The following MGRN1 variants were observed in gnomAD, a reference collection of about 807,000 sequenced individuals.
The protein encoded by MGRN1 is mahogunin ring finger 1, also known as E3 ubiquitin-protein ligase MGRN1.
Under a neutral mutation model 69.2 loss-of-function variants are expected in MGRN1, and 29 were observed. That is an observed-to-expected ratio of 0.42 (90% CI 0.31 to 0.57). MGRN1 has a LOEUF of 0.57. MGRN1 is among the 20% of genes least tolerant of loss of function. The pLI, the probability that MGRN1 is intolerant of heterozygous loss-of-function variation, is 0.15. For synonymous variants in MGRN1, 470 were observed against 344.2 expected (o/e 1.37, Z -4.04); for missense variants, 998 against 796.2 (o/e 1.25, Z -3.05).
intron 10 of MGRN1, among the ~76,000 whole-genome samples, chr16:4,675,706 C>T (rs1373967177): frequency 1.3e-5 from 2 of 151,226 alleles, no homozygotes; most frequent in South Asian, 4.2e-4. Context: ...TGCACCCCCG[C>T]CTGAGAGACA....
intron 10 of MGRN1, among the ~76,000 whole-genome samples, chr16:4,675,880 A>G (rs1056890991): frequency 5.3e-5 from 8 of 152,222 alleles, no homozygotes; most frequent in Middle Eastern, 3.4e-3. Context: ...AGTGTCTTCC[A>G]GTAGAGGGAA....
intron 11 of MGRN1, among the ~76,000 whole-genome samples, chr16:4,679,768 G>A (rs556484245): frequency 1.3e-5 from 2 of 152,310 alleles, no homozygotes; most frequent in East Asian, 1.9e-4. Flanking sequence ...CAGACTGCGG[G>A]GGGACAGGCA....
chr16:4,668,658 T>A lies in MGRN1; in HGVS notation c.726+346T>A, dbSNP rs979295955. Among the ~76,000 whole-genome samples, 18 of 151,140 alleles carry A rather than the reference T, an allele frequency of 1.2e-4. 1 individual carries two copies. The highest frequency in any genetic ancestry group is 3.2e-4 in the African/African-American group (13 of 41,024). Reference sequence around the variant, plus strand: ...CACACACTCAGACACACTCATATACTCAGTCACACACATATACATAGACAC... The same window carrying A: ...CACACACTCAGACACACTCATATACACAGTCACACACATATACATAGACAC... On this transcript the variant is annotated intron_variant, in intron 8 of 16. Coordinates refer to ENST00000262370, the MANE Select transcript of MGRN1 (RefSeq NM_015246.4).
rs1204551270 is a variant in MGRN1 at position 4,690,202 on chromosome 16, G to GTTTT, written c.*1299_*1302dup. 1 of 152,230 alleles carries GTTTT rather than the reference G, an allele frequency of 6.6e-6. No individual in the cohort carries two copies. Among genetic ancestry groups the GTTTT allele is most frequent in the Non-Finnish European group, 1.5e-5 (1 of 68,174 alleles). 9.4% of individuals were successfully genotyped at this position (152,230 alleles called of 1,614,324 possible). ...CTTGGCCTCTGGGCGACCTCGTCCT[G>GTTTT]TTTTTTTTGTTTGTTTGTTTGTTTT... On this transcript the variant is annotated 3_prime_UTR_variant, in exon 17 of 17. Transcript: ENST00000262370.
In MGRN1 at chr16:4,690,385, G is replaced by A. The variant is rs919024061; in HGVS notation, c.*1477G>A. On this transcript the variant is annotated 3_prime_UTR_variant, in exon 17 of 17. Coordinates refer to ENST00000262370, the MANE Select transcript of MGRN1 (RefSeq NM_015246.4). Reference sequence around the variant, plus strand: ...CTGCAGCTGGGCCTGGGGACAGGTCGGCTGTGGGGCAGCTCAGTACCCTCC... The same window carrying A: ...CTGCAGCTGGGCCTGGGGACAGGTCAGCTGTGGGGCAGCTCAGTACCCTCC... 5 of 152,058 alleles carry A rather than the reference G, an allele frequency of 3.3e-5. No homozygotes were observed. The highest frequency in any genetic ancestry group is 6.5e-5 in the Admixed American group (1 of 15,268). 9.4% of individuals were successfully genotyped at this position (152,058 alleles called of 1,614,324 possible). A position where few individuals can be genotyped will look rare whatever the true frequency, so the allele number is the denominator to read the frequency against.
At chr16:4,686,792 C>T in intron 16 of MGRN1, 5 of 989,440 alleles carry the variant, frequency 5.1e-6, no homozygotes, top group Middle Eastern at 5.2e-4. Context: ...CTGCAGCAGA[C>T]ACGTTAGGAC....
rs983852188 is a variant in MGRN1, at chr16:4,690,627, C to G, written c.*1719C>G. On this transcript the variant is annotated 3_prime_UTR_variant, in exon 17 of 17. Coordinates refer to ENST00000262370, the MANE Select transcript of MGRN1 (RefSeq NM_015246.4). Reference sequence around the variant, plus strand: ...GTTCACACATGCACACTCACGCTCACACATGCTGTCACGCATACACACACG... The same window carrying G: ...GTTCACACATGCACACTCACGCTCAGACATGCTGTCACGCATACACACACG... 8 of 152,340 alleles carry G rather than the reference C, an allele frequency of 5.3e-5. No individual in the cohort carries two copies. Among genetic ancestry groups the G allele is most frequent in the Non-Finnish European group, 1.2e-4 (8 of 68,088 alleles). The allele number at this position is 152,340 out of a possible 1,614,324, so 9.4% of individuals were successfully genotyped here.
intron 1 of MGRN1, among the ~76,000 whole-genome samples, chr16:4,644,300 T>TA (rs1347721921): frequency 3.4e-5 from 5 of 147,312 alleles, no homozygotes; most frequent in Non-Finnish European, 7.5e-5. Context: ...ACCCCTCAAT[T>TA]ACCAGTTTTT....
At chr16:4,635,779 T>A (rs929416334) in intron 1 of MGRN1, among the ~76,000 whole-genome samples, 2 of 150,932 alleles carry the variant, frequency 1.3e-5, no homozygotes, top group African/African-American at 4.9e-5. Context: ...GGATTACAGG[T>A]GCCCACTACC....
At chr16:4,652,081 T>A in intron 3 of MGRN1, 30 bp downstream of exon 3, 1 of 1,601,082 alleles carries the variant, frequency 6.2e-7, no homozygotes, top group Admixed American at 1.7e-5. Flanking sequence ...GGGGACCCTG[T>A]GGCTCTGTGG....
intron 15 of MGRN1, among the ~76,000 whole-genome samples, chr16:4,683,624 ATGCTGGGG>A (rs2079240477): frequency 6.6e-6 from 1 of 151,898 alleles, no homozygotes; most frequent in Admixed American, 6.6e-5. Context: ...AAAAAGCCCC[ATGCTGGGG>A]GATGGGAAGG....
intron 6 of MGRN1, 32 bp downstream of exon 6, chr16:4,664,807 T>C: frequency 6.2e-7 from 1 of 1,610,564 alleles, no homozygotes; most frequent in South Asian, 1.1e-5. Flanking sequence ...CTCCTGGGCG[T>C]GCAGGCCGTG....
chr16:4,668,969 A>G (rs563424890), intron 8 of MGRN1, among the ~76,000 whole-genome samples: 3 of 151,998 alleles, frequency 2.0e-5, no homozygotes, highest in South Asian at 4.2e-4. Flanking sequence ...CACTCATACA[A>G]TCACTCACGC....
intron 5 of MGRN1, among the ~76,000 whole-genome samples, chr16:4,663,165 G>A (rs997730204): frequency 2.0e-5 from 3 of 152,128 alleles, no homozygotes; most frequent in Non-Finnish European, 4.4e-5. Context: ...CCGATTTCAA[G>A]TGATTCTCCT....
At chr16:4,625,107 G>T in intron 1 of MGRN1, 59 bp downstream of exon 1, 3 of 1,434,116 alleles carry the variant, frequency 2.1e-6, no homozygotes, top group Non-Finnish European at 2.8e-6. Context: ...GGACCCGGCG[G>T]GCGCGGGGGC....
chr16:4,633,968 T>G (rs970178936), intron 1 of MGRN1: 1 of 152,214 alleles, frequency 6.6e-6, no homozygotes, highest in Non-Finnish European at 1.5e-5. Context: ...AAAAATTTTT[T>G]TAAAAAGGGC....
intron 10 of MGRN1, among the ~76,000 whole-genome samples, chr16:4,674,960 ATTAC>A (rs1287272405): frequency 2.7e-5 from 4 of 150,026 alleles, no homozygotes; most frequent in African/African-American, 7.4e-5. Context: ...TTTTTAATTA[ATTAC>A]TTACTTTTAT....
chr16:4,688,874 C>G lies in MGRN1; in HGVS notation c.1697C>G (p.Pro566Arg), dbSNP rs955291290. 1 of 1,553,284 alleles carries G rather than the reference C, an allele frequency of 6.4e-7. No individual in the cohort carries two copies. Among genetic ancestry groups the G allele is most frequent in the Non-Finnish European group, 8.7e-7 (1 of 1,148,010 alleles). Residue 566 changes from proline to arginine, a missense_variant, in exon 17 of 17, where the codon CCC becomes CGC. By Grantham distance (103) the Pro-to-Arg change is moderately radical (BLOSUM62 -2). Transcript: ENST00000262370. Reference sequence around the variant, plus strand: ...TGGCCTCCACTTGGTGGCCCCAGCCCCGATCCCAGCGCCGCCGAGCTGACC... The same window carrying G: ...TGGCCTCCACTTGGTGGCCCCAGCCGCGATCCCAGCGCCGCCGAGCTGACC... ...PTWPPLGGPSPDPSAAELTPL is the reference protein window; with the variant it reads ...PTWPPLGGPSRDPSAAELTPL
At chr16:4,673,910 A>G (rs2078997832) in intron 10 of MGRN1, among the ~76,000 whole-genome samples, 1 of 152,370 alleles carries the variant, frequency 6.6e-6, no homozygotes, top group Admixed American at 6.5e-5. Context: ...TGCAGAACAA[A>G]GGGCTACAGA....
Sources: allele counts gnomAD v4.1 joint callset (sites outside exome capture counted in the v4.1 genomes callset), GRCh38; gene constraint gnomAD v4.1.1; transcripts MANE v1.5; gene names NCBI Gene and HGNC (gene_info 2026-07-23, HGNC 2026-07-21).